The following CNTNAP2 variants were observed in gnomAD, a reference collection of about 807,000 sequenced individuals.
CNTNAP2 encodes the protein contactin-associated protein-like 2.
Under a neutral mutation model 155.2 loss-of-function variants are expected in CNTNAP2, and 98 were observed. That is an observed-to-expected ratio of 0.63 (90% CI 0.54 to 0.75). The LOEUF is 0.75. Among genes scored for constraint, CNTNAP2 ranks in the 30% least tolerant of loss-of-function variants. The pLI, the probability that CNTNAP2 is intolerant of heterozygous loss-of-function variation, is 0.00. For synonymous variants in CNTNAP2, 651 were observed against 631.2 expected, an observed-to-expected ratio of 1.03 and a Z score of -0.47; for missense variants, 1,727 against 1,688.1, an observed-to-expected ratio of 1.02 and a Z score of -0.40.
chr7:146,133,969 A>C (rs1212106754), intron 1 of CNTNAP2, among the ~76,000 whole-genome samples: 1 of 150,788 alleles, frequency 6.6e-6, no homozygotes, highest in Non-Finnish European at 1.5e-5. Flanking sequence ...TGGTAGCTTG[A>C]TGGGGATGGC....
At chr7:146,446,436 AG>A (rs549543094) in intron 1 of CNTNAP2, among the ~76,000 whole-genome samples, 67 of 152,150 alleles carry the variant, frequency 4.4e-4, no homozygotes, top group African/African-American at 1.6e-3. Flanking sequence ...GATAAAAAAA[AG>A]AAATTATATT....
At chr7:147,369,562 T>C (rs907571396) in intron 9 of CNTNAP2, among the ~76,000 whole-genome samples, 2 of 152,178 alleles carry the variant, frequency 1.3e-5, no homozygotes, top group Non-Finnish European at 2.9e-5. Context: ...TGTTTTTCCA[T>C]AAAGGGCCTA....
intron 3 of CNTNAP2, among the ~76,000 whole-genome samples, chr7:147,006,476 T>C (rs1319491537): frequency 6.6e-6 from 1 of 152,074 alleles, no homozygotes; most frequent in Non-Finnish European, 1.5e-5. Flanking sequence ...CAGGGGCCTT[T>C]AGCTCAAAAT....
chr7:148,131,018 T>A (rs188023804), intron 16 of CNTNAP2, among the ~76,000 whole-genome samples: 1 of 152,058 alleles, frequency 6.6e-6, no homozygotes, highest in East Asian at 1.9e-4. Flanking sequence ...TTCATTAAAA[T>A]TTTTTGATGT....
At chr7:148,201,742 C>T (rs773008840) in intron 18 of CNTNAP2, among the ~76,000 whole-genome samples, 1 of 151,994 alleles carries the variant, frequency 6.6e-6, no homozygotes, top group Non-Finnish European at 1.5e-5. Flanking sequence ...TCCATGGTCA[C>T]TATTATTTCC....
intron 4 of CNTNAP2, among the ~76,000 whole-genome samples, chr7:147,085,279 A>G (rs10256502): frequency 0.71 from 108,049 of 151,986 alleles, 38,418 homozygotes; most frequent in East Asian, 0.74. Context: ...CCTCCAGGCC[A>G]CGGACCTATA....
In CNTNAP2 at chr7:147,630,406, C is replaced by A. The variant is rs28794496; in HGVS notation, c.1898-8700C>A. Among the ~76,000 whole-genome samples, 58 of 150,138 alleles carry A rather than the reference C, an allele frequency of 3.9e-4. 1 individual carries two copies. Among genetic ancestry groups the A allele is most frequent in the South Asian group, 1.3e-3 (6 of 4,778 alleles). ...TTCTAACGGACATTCAAAGAAGAAT[C>A]GACACCAATCTTACTGAAACTATTC... On this transcript the variant is annotated intron_variant, in intron 12 of 23. Coordinates refer to ENST00000361727, the MANE Select transcript of CNTNAP2 (RefSeq NM_014141.6).
intron 1 of CNTNAP2, among the ~76,000 whole-genome samples, chr7:146,237,318 G>A (rs1799490531): frequency 6.6e-6 from 1 of 152,212 alleles, no homozygotes; most frequent in African/African-American, 2.4e-5. Context: ...CCACTGGCCA[G>A]TGTTCTGTCC....
At chr7:147,577,637 C>T (rs1800419737) in intron 12 of CNTNAP2, among the ~76,000 whole-genome samples, 1 of 151,830 alleles carries the variant, frequency 6.6e-6, no homozygotes, top group South Asian at 2.1e-4. Flanking sequence ...CTATTAACTG[C>T]TCTGTCTTTT....
intron 15 of CNTNAP2, among the ~76,000 whole-genome samples, chr7:148,018,167 T>C (rs1319491983): frequency 6.6e-6 from 1 of 152,192 alleles, no homozygotes; most frequent in Non-Finnish European, 1.5e-5. Context: ...CTGACACCAA[T>C]TTCACATCTA....
At chr7:146,738,676 G>T (rs113867339) in intron 1 of CNTNAP2, among the ~76,000 whole-genome samples, 314 of 151,788 alleles carry the variant, frequency 2.1e-3, no homozygotes, top group African/African-American at 7.1e-3. Flanking sequence ...AATCCATTTT[G>T]AGTTGATTTT....
At chr7:147,073,701 C>T (rs1339590237) in intron 4 of CNTNAP2, among the ~76,000 whole-genome samples, 1 of 152,112 alleles carries the variant, frequency 6.6e-6, no homozygotes, top group Non-Finnish European at 1.5e-5. Context: ...GACAAGAAAG[C>T]ATGCCAGGAA....
chr7:147,886,653 T>C (rs1261193330), intron 13 of CNTNAP2, among the ~76,000 whole-genome samples: 1 of 152,058 alleles, frequency 6.6e-6, no homozygotes, highest in Non-Finnish European at 1.5e-5. Context: ...ATCTAACACA[T>C]TGTAAGACAT....
chr7:146,242,143 T>C (rs1351116819), intron 1 of CNTNAP2, among the ~76,000 whole-genome samples: 1 of 152,176 alleles, frequency 6.6e-6, no homozygotes, highest in African/African-American at 2.4e-5. Flanking sequence ...TTTGTAAGTA[T>C]TGAGTAAAAT....
chr7:146,388,754 G>GC (rs1795498013), intron 1 of CNTNAP2, among the ~76,000 whole-genome samples: 1 of 151,966 alleles, frequency 6.6e-6, no homozygotes. Flanking sequence ...CTCCTCACCA[G>GC]CCCCCCACTA....
At chr7:146,514,122 A>G (rs966842633) in intron 1 of CNTNAP2, among the ~76,000 whole-genome samples, 1 of 151,402 alleles carries the variant, frequency 6.6e-6, no homozygotes, top group African/African-American at 2.4e-5. Flanking sequence ...GCTCCTTTTT[A>G]TATTATTTGG....
At chr7:146,852,686 C>T (rs1220398441) in intron 3 of CNTNAP2, among the ~76,000 whole-genome samples, 1 of 152,096 alleles carries the variant, frequency 6.6e-6, no homozygotes, top group Non-Finnish European at 1.5e-5. Flanking sequence ...AAAGAGCTCG[C>T]CCAGAGCCAA....
intron 3 of CNTNAP2, among the ~76,000 whole-genome samples, chr7:146,947,968 C>T (rs530725661): frequency 2.0e-5 from 3 of 152,008 alleles, no homozygotes; most frequent in East Asian, 3.9e-4. Context: ...ATTTTAAATG[C>T]TTTTTAAAAT....
At chr7:147,736,964 C>T (rs182458808) in intron 13 of CNTNAP2, among the ~76,000 whole-genome samples, 5 of 152,254 alleles carry the variant, frequency 3.3e-5, no homozygotes, top group South Asian at 4.1e-4. Flanking sequence ...GCCATGGGTT[C>T]GAACTTCTTC....
Sources: allele counts gnomAD v4.1 joint callset (sites outside exome capture counted in the v4.1 genomes callset), GRCh38; gene constraint gnomAD v4.1.1; transcripts MANE v1.5; gene names NCBI Gene and HGNC (gene_info 2026-07-23, HGNC 2026-07-21).